The following ZBTB7C variants were observed in gnomAD, a reference collection of about 807,000 sequenced individuals.
The protein encoded by ZBTB7C is zinc finger and BTB domain containing 7C, also known as zinc finger and BTB domain-containing protein 7C.
Under a neutral mutation model 25.7 loss-of-function variants are expected in ZBTB7C, and 8 were observed. That is an observed-to-expected ratio of 0.31 (90% CI 0.18 to 0.56). The LOEUF (loss-of-function observed/expected upper bound fraction) is 0.56, where lower values mean the gene tolerates loss of function less well. Ranked by LOEUF, ZBTB7C falls within the 20% of genes least tolerant of loss-of-function variation. The pLI is 0.91. For missense variants in ZBTB7C, 824 were observed against 855.2 expected (o/e 0.96, Z 0.46); for synonymous variants, 394 against 369.0 (o/e 1.07, Z -0.78).
intron 3 of ZBTB7C, among the ~76,000 whole-genome samples, chr18:48,071,625 C>A (rs541813179): frequency 3.4e-4 from 51 of 152,136 alleles, no homozygotes; most frequent in African/African-American, 1.2e-3. Context: ...TAGGATCCAG[C>A]AATTCTACTT....
intron 3 of ZBTB7C, among the ~76,000 whole-genome samples, chr18:48,104,934 C>A (rs1287280268): frequency 6.6e-5 from 10 of 152,164 alleles, no homozygotes; most frequent in Admixed American, 6.5e-4. Flanking sequence ...AGGGCCCACA[C>A]CCAGCTGTTT....
intron 3 of ZBTB7C, among the ~76,000 whole-genome samples, chr18:48,065,320 A>ATCTC (rs61539011): frequency 9.9e-5 from 15 of 151,216 alleles, no homozygotes; most frequent in African/African-American, 3.6e-4. Context: ...TTCGCAATGA[A>ATCTC]TCTCTCTCTC....
chr18:48,208,458 C>T lies in ZBTB7C; in HGVS notation c.-78-22463G>A, dbSNP rs746741577. Among the ~76,000 whole-genome samples, 13 of 152,102 alleles carry T rather than the reference C, an allele frequency of 8.5e-5. 1 individual carries two copies. The highest frequency in any genetic ancestry group is 3.9e-4 in the Admixed American group (6 of 15,274). The stretch of plus-strand genomic sequence containing the variant: ...TTTCCTTTTTAAAACCCCAGATCTT[C>T]GAACTCATGTCTCTCTAACTTCTAC... On this transcript the variant is annotated intron_variant, in intron 2 of 4. Transcript: ENST00000590800.
intron 2 of ZBTB7C, among the ~76,000 whole-genome samples, chr18:48,318,373 C>T (rs2046003372): frequency 6.6e-6 from 1 of 152,118 alleles, no homozygotes; most frequent in African/African-American, 2.4e-5. Context: ...GGCTAGAGGC[C>T]CACCTGCTTG....
chr18:48,310,012 G>A (rs913302400), intron 2 of ZBTB7C, among the ~76,000 whole-genome samples: 2 of 152,080 alleles, frequency 1.3e-5, no homozygotes, highest in East Asian at 1.9e-4. Context: ...GGTGGATCAC[G>A]GGGTCAGGAG....
intron 2 of ZBTB7C, among the ~76,000 whole-genome samples, chr18:48,281,441 A>G (rs1334079569): frequency 6.6e-6 from 1 of 152,194 alleles, no homozygotes; most frequent in East Asian, 1.9e-4. Context: ...AATGGCAACA[A>G]AAGCCAAAAT....
At chr18:48,197,307 A>G (rs1426384382) in intron 2 of ZBTB7C, among the ~76,000 whole-genome samples, 3 of 152,156 alleles carry the variant, frequency 2.0e-5, no homozygotes, top group Non-Finnish European at 2.9e-5. Context: ...AATTACTTTT[A>G]TTGTTTTGAA....
At chr18:48,161,637 C>G (rs1186944993) in intron 3 of ZBTB7C, among the ~76,000 whole-genome samples, 1 of 151,998 alleles carries the variant, frequency 6.6e-6, no homozygotes, top group African/African-American at 2.4e-5. Context: ...CGGCCACAAG[C>G]GCCCCGGACT....
chr18:48,269,676 A>C (rs1309078937), intron 2 of ZBTB7C, among the ~76,000 whole-genome samples: 3 of 152,226 alleles, frequency 2.0e-5, no homozygotes, highest in Non-Finnish European at 2.9e-5. Context: ...AATTACAAGA[A>C]TACCTGAGAT....
intron 3 of ZBTB7C, among the ~76,000 whole-genome samples, chr18:48,170,185 C>G (rs2041421036): frequency 6.6e-6 from 1 of 152,244 alleles, no homozygotes. Context: ...CACTATATCA[C>G]CAGCAAGTGG....
At chr18:48,220,958 T>C (rs2042935364) in intron 2 of ZBTB7C, among the ~76,000 whole-genome samples, 1 of 151,904 alleles carries the variant, frequency 6.6e-6, no homozygotes. Flanking sequence ...CTGTTCTTAG[T>C]CTCCCTCTAT....
In ZBTB7C at chr18:48,039,835, C is replaced by T; in HGVS notation, c.1208+65G>A. The stretch of plus-strand genomic sequence containing the variant: ...TCTGTCTCCACCGCCAGCCTCCCTG[C>T]CCAACTCTGCTGTCCCCCATGGCCT... On this transcript the variant is annotated intron_variant, in intron 4 of 4. Coordinates refer to ENST00000590800, the MANE Select transcript of ZBTB7C (RefSeq NM_001318841.2). 1.9e-6 allele frequency: 3 copies of T among 1,551,186 alleles called. No homozygotes were observed. In the South Asian group the frequency reaches 3.4e-5, roughly 17 times the overall value.
intron 1 of ZBTB7C, among the ~76,000 whole-genome samples, chr18:48,390,343 G>A (rs544198437): frequency 6.6e-6 from 1 of 152,054 alleles, no homozygotes; most frequent in Non-Finnish European, 1.5e-5. Flanking sequence ...TCTTTCCAAA[G>A]TACTACATAT....
chr18:48,139,492 G>C (rs895285309), intron 3 of ZBTB7C, among the ~76,000 whole-genome samples: 3 of 152,146 alleles, frequency 2.0e-5, no homozygotes, highest in African/African-American at 7.2e-5. Context: ...CGGACTGGAA[G>C]GAGTGTCTGG....
chr18:48,330,938 G>T (rs1425228274), intron 2 of ZBTB7C, among the ~76,000 whole-genome samples: 2 of 152,166 alleles, frequency 1.3e-5, no homozygotes, highest in Admixed American at 1.3e-4. Context: ...TTCCAACCAA[G>T]TGATCCATAA....
intron 3 of ZBTB7C, among the ~76,000 whole-genome samples, chr18:48,104,300 C>T (rs1170210268): frequency 6.6e-6 from 1 of 152,002 alleles, no homozygotes; most frequent in Non-Finnish European, 1.5e-5. Flanking sequence ...ACCTTCCTCT[C>T]CTCTCTCTCT....
intron 3 of ZBTB7C, among the ~76,000 whole-genome samples, chr18:48,181,706 C>T (rs577257181): frequency 2.0e-4 from 30 of 152,286 alleles, no homozygotes; most frequent in African/African-American, 7.2e-4. Flanking sequence ...GCCCAGTCAC[C>T]CCCTTACTCC....
intron 2 of ZBTB7C, among the ~76,000 whole-genome samples, chr18:48,300,155 G>C (rs979627235): frequency 6.6e-6 from 1 of 152,190 alleles, no homozygotes; most frequent in Admixed American, 6.5e-5. Flanking sequence ...TCAGTGTCAT[G>C]AAGATGCCTG....
chr18:48,121,372 C>T (rs1192900659), intron 3 of ZBTB7C, among the ~76,000 whole-genome samples: 1 of 150,804 alleles, frequency 6.6e-6, no homozygotes, highest in East Asian at 2.0e-4. Context: ...AAAACTTCTA[C>T]AAATCTTTTC....
Sources: gnomAD v4.1 joint callset for allele counts (sites outside exome capture counted in the v4.1 genomes callset) on GRCh38, gnomAD v4.1.1 for gene constraint, MANE v1.5 for transcripts, NCBI Gene and HGNC (gene_info 2026-07-23, HGNC 2026-07-21) for gene names.